Variants in ATP8B1 observed in about 807,000 individuals in gnomAD.
ATP8B1 encodes the protein phospholipid-transporting ATPase IC.
ATP8B1 carries 80 observed loss-of-function variants against 149.9 expected under a neutral mutation model. The ratio of observed to expected loss-of-function variants is 0.53; its 90% CI spans 0.45 to 0.64. The LOEUF is 0.64. Ranked by LOEUF, ATP8B1 falls within the 30% of genes least tolerant of loss-of-function variation. The pLI is 0.00. For missense variants in ATP8B1, 1,247 were observed against 1,552.6 expected, an observed-to-expected ratio of 0.80 and a Z score of 3.31; for synonymous variants, 536 against 562.8, an observed-to-expected ratio of 0.95 and a Z score of 0.67.
chr18:57,761,102 T>C (rs370031132), intron 1 of ATP8B1, among the ~76,000 whole-genome samples: 2 of 100,522 alleles, frequency 2.0e-5, no homozygotes, highest in African/African-American at 7.8e-5. Context: ...AAATAAAAAA[T>C]AAAATAAAAT....
At chr18:57,754,444 AAAT>A (rs2080057804) in intron 1 of ATP8B1, among the ~76,000 whole-genome samples, 1 of 67,404 alleles carries the variant, frequency 1.5e-5, no homozygotes, top group Non-Finnish European at 4.0e-5. Context: ...TCTAACAAAA[AAAT>A]ATATATATAT....
chr18:57,756,003 A>T (rs2123291331), intron 1 of ATP8B1, among the ~76,000 whole-genome samples: 1 of 151,808 alleles, frequency 6.6e-6, no homozygotes, highest in East Asian at 1.9e-4. Context: ...ACATTCTCTT[A>T]CATAACCATA....
intron 13 of ATP8B1, among the ~76,000 whole-genome samples, chr18:57,687,085 T>TC (rs1912288268): frequency 1.3e-5 from 2 of 152,172 alleles, no homozygotes; most frequent in African/African-American, 4.8e-5. Context: ...CACCTTGACC[T>TC]CCCAAAGTGT....
At chr18:57,702,551 T>G (rs1913178344) in intron 4 of ATP8B1, among the ~76,000 whole-genome samples, 1 of 152,184 alleles carries the variant, frequency 6.6e-6, no homozygotes, top group Non-Finnish European at 1.5e-5. Flanking sequence ...TAATTTGGAT[T>G]GCTGACCTTA....
intron 1 of ATP8B1, among the ~76,000 whole-genome samples, chr18:57,794,507 C>T (rs544238739): frequency 6.8e-6 from 1 of 147,662 alleles, no homozygotes; most frequent in East Asian, 2.0e-4. Flanking sequence ...GGAATGTCAT[C>T]TCTGGAAGGT....
chr18:57,695,419 T>G, intron 9 of ATP8B1, 31 bp downstream of exon 9: 1 of 1,600,756 alleles, frequency 6.2e-7, no homozygotes, highest in Non-Finnish European at 8.6e-7. Context: ...AACTAAAATT[T>G]AAAGCAAAGT....
chr18:57,713,196 T>TTCCTTCCTTCC (rs1913790895), intron 2 of ATP8B1, among the ~76,000 whole-genome samples: 2 of 89,876 alleles, frequency 2.2e-5, no homozygotes, highest in African/African-American at 7.5e-5. Context: ...TCTTTCTTTC[T>TTCCTTCCTTCC]TTCCTTCCTT....
At chr18:57,700,973 G>C in intron 6 of ATP8B1, 66 bp downstream of exon 6, 1 of 1,435,576 alleles carries the variant, frequency 7.0e-7, no homozygotes, top group Admixed American at 1.7e-5. Flanking sequence ...AATTATCTCT[G>C]AATGTGTTTC....
At chr18:57,678,128 A>G (rs775421384) in intron 15 of ATP8B1, among the ~76,000 whole-genome samples, 11 of 152,176 alleles carry the variant, frequency 7.2e-5, no homozygotes, top group Non-Finnish European at 1.3e-4. Flanking sequence ...CTTTGTCACA[A>G]TAGAGATTAG....
chr18:57,675,238 A>T (rs1387323110), intron 15 of ATP8B1, among the ~76,000 whole-genome samples: 1 of 152,244 alleles, frequency 6.6e-6, no homozygotes, highest in Non-Finnish European at 1.5e-5. Context: ...TAAAAAAGAA[A>T]CATTGGTGGA....
At chr18:57,770,172 G>A (rs922057872) in intron 1 of ATP8B1, among the ~76,000 whole-genome samples, 9 of 150,874 alleles carry the variant, frequency 6.0e-5, no homozygotes, top group African/African-American at 2.0e-4. Context: ...AGGTTCAAGC[G>A]ATTCTCCTGC....
intron 15 of ATP8B1, among the ~76,000 whole-genome samples, chr18:57,676,422 A>G (rs918921431): frequency 1.3e-5 from 2 of 150,712 alleles, no homozygotes; most frequent in Non-Finnish European, 3.0e-5. Context: ...AAAAAAAAAG[A>G]AAAAAAAACC....
At chr18:57,759,940 T>C (rs998552999) in intron 1 of ATP8B1, among the ~76,000 whole-genome samples, 20 of 152,228 alleles carry the variant, frequency 1.3e-4, no homozygotes, top group African/African-American at 4.6e-4. Flanking sequence ...TGACTGGCAA[T>C]TGCTACCACC....
intron 2 of ATP8B1, among the ~76,000 whole-genome samples, chr18:57,719,712 T>C (rs1434316649): frequency 6.6e-6 from 1 of 152,112 alleles, no homozygotes; most frequent in African/African-American, 2.4e-5. Context: ...CAGGCTTGCT[T>C]AGGTAAACAA....
rs1040300506 is a variant in ATP8B1, at chr18:57,706,671, G to A, written c.182-84C>T. On this transcript the variant is annotated intron_variant, in intron 2 of 27. Coordinates refer to ENST00000648908, the MANE Select transcript of ATP8B1 (RefSeq NM_001374385.1). The stretch of plus-strand genomic sequence containing the variant: ...AATTGTGTCTTCCCCAGATTCAAAT[G>A]TTGAAGTCCTAAACCTCCATCCCTC... 11 of 1,106,392 alleles carry A rather than the reference G, an allele frequency of 9.9e-6. 1 individual carries two copies. Among genetic ancestry groups the A allele is most frequent in the African/African-American group, 6.2e-5 (4 of 64,456 alleles). The allele number at this position is 1,106,392 out of a possible 1,614,324, so 68.5% of individuals were successfully genotyped here.
intron 12 of ATP8B1, among the ~76,000 whole-genome samples, chr18:57,689,970 C>T (rs527284035): frequency 4.6e-5 from 7 of 152,242 alleles, no homozygotes; most frequent in Admixed American, 6.5e-5. Context: ...GAGCTGAGAT[C>T]GCGCGACTGC....
rs71171074 is a variant in ATP8B1 at position 57,729,549 on chromosome 18, C to CTTTTTTTTTTTTTTTTTTTTTTT, written c.181+2077_181+2078insAAAAAAAAAAAAAAAAAAAAAAA. 7.5e-5 allele frequency among the ~76,000 whole-genome samples: 9 copies of CTTTTTTTTTTTTTTTTTTTTTTT among 120,742 alleles called. 1 individual carries two copies. Among genetic ancestry groups the CTTTTTTTTTTTTTTTTTTTTTTT allele is most frequent in the East Asian group, 2.7e-4 (1 of 3,642 alleles). 79.2% of individuals were successfully genotyped at this position (120,742 alleles called of 152,430 possible). A position where few individuals can be genotyped will look rare whatever the true frequency, so the allele number is the denominator to read the frequency against. On this transcript the variant is annotated intron_variant, in intron 2 of 27. Coordinates refer to ENST00000648908, the MANE Select transcript of ATP8B1 (RefSeq NM_001374385.1). ...GGTGGGAATTCCATTTTCTTTCTTT[C>CTTTTTTTTTTTTTTTTTTTTTTT]TTTTTTTTTTTTTTTTTTGAGTTGG...
intron 11 of ATP8B1, 63 bp downstream of exon 11, chr18:57,694,519 G>T: frequency 8.9e-7 from 1 of 1,120,154 alleles, no homozygotes; most frequent in Non-Finnish European, 1.3e-6. Flanking sequence ...AAAAACATAC[G>T]ATAATATTAG....
chr18:57,716,237 A>ACTTT (rs1422249432), intron 2 of ATP8B1, among the ~76,000 whole-genome samples: 2 of 152,182 alleles, frequency 1.3e-5, no homozygotes, highest in Non-Finnish European at 2.9e-5. Context: ...AAAGCACACC[A>ACTTT]CAAGAGAAAA....
Sources: gnomAD v4.1 joint callset for allele counts (sites outside exome capture counted in the v4.1 genomes callset) on GRCh38, gnomAD v4.1.1 for gene constraint, MANE v1.5 for transcripts, NCBI Gene and HGNC (gene_info 2026-07-23, HGNC 2026-07-21) for gene names.